The following LDLRAD3 variants were observed in gnomAD, a reference collection of about 807,000 sequenced individuals.
LDLRAD3 encodes low density lipoprotein receptor class A domain containing 3, also known as low-density lipoprotein receptor class A domain-containing protein 3.
Under a neutral mutation model 29.4 loss-of-function variants are expected in LDLRAD3, and 20 were observed. The observed-to-expected ratio is 0.68, with a 90% CI of 0.48 to 0.99. The LOEUF (loss-of-function observed/expected upper bound fraction) is 0.99. Among genes scored for constraint, LDLRAD3 ranks in the 50% least tolerant of loss-of-function variants. The probability of loss-of-function intolerance (pLI) is 0.00; values close to 1 mark genes in which losing one functional copy is unlikely to be tolerated. For missense variants in LDLRAD3, 420 were observed against 454.3 expected (o/e 0.92, Z 0.69); for synonymous variants, 157 against 192.7 (o/e 0.81, Z 1.53).
At chr11:36,160,450 C>T (rs1175565020) in intron 4 of LDLRAD3, among the ~76,000 whole-genome samples, 1 of 152,102 alleles carries the variant, frequency 6.6e-6, no homozygotes, top group Non-Finnish European at 1.5e-5. Context: ...GAATGCTTAT[C>T]CCAGCAGTTA....
At chr11:36,141,327 A>G (rs982993806) in intron 4 of LDLRAD3, among the ~76,000 whole-genome samples, 5 of 152,062 alleles carry the variant, frequency 3.3e-5, no homozygotes, top group Non-Finnish European at 5.9e-5. Flanking sequence ...CTTGAAGTTC[A>G]TGTTCGTTTG....
intron 4 of LDLRAD3, among the ~76,000 whole-genome samples, chr11:36,137,981 A>C (rs1178366634): frequency 6.6e-6 from 1 of 152,208 alleles, no homozygotes; most frequent in Non-Finnish European, 1.5e-5. Flanking sequence ...TTTAAAAGTC[A>C]AACCACATCT....
At chr11:35,960,842 G>A (rs192755419) in intron 1 of LDLRAD3, among the ~76,000 whole-genome samples, 1 of 152,134 alleles carries the variant, frequency 6.6e-6, no homozygotes, top group Non-Finnish European at 1.5e-5. Flanking sequence ...TGATCCGCCC[G>A]CCTCGCCTCC....
intron 2 of LDLRAD3, among the ~76,000 whole-genome samples, chr11:36,077,764 A>G (rs1342802826): frequency 6.6e-6 from 1 of 152,124 alleles, no homozygotes; most frequent in Non-Finnish European, 1.5e-5. Flanking sequence ...GGTTGCTCCT[A>G]GGTCTGGGCT....
At chr11:36,169,009 C>T (rs1300446123) in intron 4 of LDLRAD3, among the ~76,000 whole-genome samples, 1 of 152,114 alleles carries the variant, frequency 6.6e-6, no homozygotes, top group Non-Finnish European at 1.5e-5. Context: ...TGACTGTATT[C>T]CCATTATAGG....
Position 35,981,185 on chromosome 11 carries a change from C to T in LDLRAD3, c.46+37041C>T, listed in dbSNP as rs551282678. ...GTCATTAGGCCATACTTTTGGGAAACGTGAGGGCAGTGGGCAGCGGGCGGG... is the reference window on the plus strand; with the variant it reads ...GTCATTAGGCCATACTTTTGGGAAATGTGAGGGCAGTGGGCAGCGGGCGGG... On this transcript the variant is annotated intron_variant, in intron 1 of 5. Transcript: ENST00000315571. 7.2e-5 allele frequency among the ~76,000 whole-genome samples: 6 copies of T among 83,394 alleles called. No individual in the cohort carries two copies. The East Asian group carries it at 1.0e-3, about 15-fold the overall frequency. 54.7% of individuals were successfully genotyped at this position (83,394 alleles called of 152,430 possible). A position where few individuals can be genotyped will look rare whatever the true frequency, so the allele number is the denominator to read the frequency against.
intron 4 of LDLRAD3, among the ~76,000 whole-genome samples, chr11:36,115,415 C>G (rs1171181114): frequency 6.6e-6 from 1 of 152,186 alleles, no homozygotes; most frequent in African/African-American, 2.4e-5. Flanking sequence ...GATAGAGAAG[C>G]TAATAGTAGG....
At chr11:36,086,966 G>T (rs528852156) in intron 3 of LDLRAD3, among the ~76,000 whole-genome samples, 45 of 152,164 alleles carry the variant, frequency 3.0e-4, no homozygotes, top group Non-Finnish European at 5.3e-4. Flanking sequence ...TTATGAGATT[G>T]TTCTGCCAAA....
At chr11:35,953,869 C>T (rs1444081318) in intron 1 of LDLRAD3, among the ~76,000 whole-genome samples, 1 of 152,032 alleles carries the variant, frequency 6.6e-6, no homozygotes, top group Non-Finnish European at 1.5e-5. Flanking sequence ...AAAACATTGG[C>T]ATAAGCTTGA....
intron 1 of LDLRAD3, among the ~76,000 whole-genome samples, chr11:35,956,807 C>T (rs1254549079): frequency 6.6e-6 from 1 of 152,176 alleles, no homozygotes; most frequent in Admixed American, 6.5e-5. Flanking sequence ...GCAATCTCGG[C>T]TCACTGCAAG....
intron 1 of LDLRAD3, among the ~76,000 whole-genome samples, chr11:35,962,548 G>T (rs1026784334): frequency 1.3e-5 from 2 of 152,130 alleles, no homozygotes; most frequent in Non-Finnish European, 2.9e-5. Flanking sequence ...CGTCTGGGAG[G>T]CTCATTAAGT....
At chr11:35,966,663 T>C (rs973337762) in intron 1 of LDLRAD3, among the ~76,000 whole-genome samples, 2 of 98,032 alleles carry the variant, frequency 2.0e-5, no homozygotes, top group South Asian at 3.5e-4. Flanking sequence ...AGCGTTTTTG[T>C]TCTGCAATTA....
intron 4 of LDLRAD3, among the ~76,000 whole-genome samples, chr11:36,203,545 A>G (rs560730511): frequency 6.6e-6 from 1 of 152,162 alleles, no homozygotes; most frequent in Non-Finnish European, 1.5e-5. Flanking sequence ...CTGGCCCAAC[A>G]AAGGCAGTCT....
intron 1 of LDLRAD3, among the ~76,000 whole-genome samples, chr11:35,981,012 C>T (rs185444693): frequency 3.3e-5 from 5 of 152,216 alleles, no homozygotes; most frequent in East Asian, 3.9e-4. Context: ...AAGACTTCCT[C>T]GTTTGGATTT....
intron 3 of LDLRAD3, among the ~76,000 whole-genome samples, chr11:36,089,894 G>C (rs1033309370): frequency 2.0e-5 from 3 of 151,338 alleles, no homozygotes; most frequent in Admixed American, 1.3e-4. Context: ...CTACAGGCTT[G>C]AGCCATCATA....
intron 4 of LDLRAD3, among the ~76,000 whole-genome samples, chr11:36,103,449 C>T (rs7127685): frequency 0.27 from 41,508 of 151,766 alleles, 6,055 homozygotes; most frequent in Middle Eastern, 0.39. Context: ...CCGTGTTAGC[C>T]GGGATGGTCT....
intron 4 of LDLRAD3, among the ~76,000 whole-genome samples, chr11:36,189,537 C>T (rs1854906966): frequency 6.6e-6 from 1 of 151,748 alleles, no homozygotes; most frequent in Non-Finnish European, 1.5e-5. Context: ...ACCCCCTGCA[C>T]CCCCATCTAC....
chr11:36,095,443 G>T lies in LDLRAD3; in HGVS notation c.320-2884G>T, dbSNP rs369492769. On this transcript the variant is annotated intron_variant, in intron 3 of 5. Transcript: ENST00000315571. ...TATTTCACGGTTTTACTGACCATTT[G>T]CTGTTCCTCTTATGTCAATTGCCTG... 6.6e-5 allele frequency among the ~76,000 whole-genome samples: 10 copies of T among 152,128 alleles called. No homozygotes were observed. In the East Asian group the frequency reaches 1.3e-3, roughly 21 times the overall value.
At chr11:36,209,291 T>C (rs1298955294) in intron 4 of LDLRAD3, among the ~76,000 whole-genome samples, 1 of 152,030 alleles carries the variant, frequency 6.6e-6, no homozygotes, top group African/African-American at 2.4e-5. Flanking sequence ...TAGCAGTTGT[T>C]CTGTGGTTAG....
Sources: allele counts gnomAD v4.1 joint callset (sites outside exome capture counted in the v4.1 genomes callset), GRCh38; gene constraint gnomAD v4.1.1; transcripts MANE v1.5; gene names NCBI Gene and HGNC (gene_info 2026-07-23, HGNC 2026-07-21).